The following SEMA4D variants were observed in gnomAD, a reference collection of about 807,000 sequenced individuals.
SEMA4D encodes the protein semaphorin-4D.
Under a neutral mutation model 74.8 loss-of-function variants are expected in SEMA4D, and 22 were observed. The observed-to-expected ratio is 0.29, with a 90% CI of 0.21 to 0.42. The LOEUF (loss-of-function observed/expected upper bound fraction) is 0.42. Among genes scored for constraint, SEMA4D ranks in the 10% least tolerant of loss-of-function variants. The pLI is 1.00. For missense variants in SEMA4D, 937 were observed against 1,118.4 expected, an observed-to-expected ratio of 0.84 and a Z score of 2.31; for synonymous variants, 445 against 463.7, an observed-to-expected ratio of 0.96 and a Z score of 0.52.
chr9:89,461,960 CAA>C (rs903893475), intron 1 of SEMA4D, among the ~76,000 whole-genome samples: 15 of 152,202 alleles, frequency 9.9e-5, no homozygotes, highest in African/African-American at 3.1e-4. Context: ...CTCGGCCTCC[CAA>C]AGTGCTGGGA....
At chr9:89,433,329 AG>A (rs2134728470) in intron 2 of SEMA4D, among the ~76,000 whole-genome samples, 1 of 152,284 alleles carries the variant, frequency 6.6e-6, no homozygotes, top group South Asian at 2.1e-4. Context: ...GCTCACTTCC[AG>A]GGGGGCCAGG....
At chr9:89,426,199 C>T (rs1452515059) in intron 2 of SEMA4D, among the ~76,000 whole-genome samples, 2 of 152,224 alleles carry the variant, frequency 1.3e-5, no homozygotes, top group Non-Finnish European at 2.9e-5. Context: ...GAGGCCTGCT[C>T]GTTCTGCCAC....
intron 2 of SEMA4D, chr9:89,449,652 C>T: frequency 1.4e-6 from 2 of 1,471,218 alleles, no homozygotes; most frequent in South Asian, 2.3e-5. Context: ...CAATGGGGTA[C>T]TTCGGTCCTT....
chr9:89,421,979 CAT>C (rs1049266679), intron 2 of SEMA4D, among the ~76,000 whole-genome samples: 5 of 152,202 alleles, frequency 3.3e-5, no homozygotes, highest in Non-Finnish European at 5.9e-5. Context: ...CTTCCTTAAT[CAT>C]GTGGTTTTCT....
chr9:89,478,763 T>TCCACC lies in SEMA4D; in HGVS notation c.-310+19151_-310+19155dup, dbSNP rs1192432181. Among the ~76,000 whole-genome samples, 137 of 135,664 alleles carry TCCACC rather than the reference T, an allele frequency of 1.0e-3. No homozygotes were observed. The East Asian group carries it at 0.013, about 13-fold the overall frequency. 89.0% of individuals were successfully genotyped at this position (135,664 alleles called of 152,430 possible). ...CCTGAGTCCTATGGCCCCCTCATCC[T>TCCACC]CCACCCCACCCCACCCCACCCCAAG... On this transcript the variant is annotated intron_variant, in intron 1 of 15. Coordinates refer to ENST00000422704, the MANE Select transcript of SEMA4D (RefSeq NM_001371194.2).
At chr9:89,376,770 G>A (rs531959388), downstream of SEMA4D, 197 of 1,479,354 alleles carry the variant, frequency 1.3e-4, 1 homozygote, top group African/African-American at 2.4e-3. Flanking sequence ...GCCCCCGCCC[G>A]CCCCCCACCT....
At chr9:89,466,551 C>G (rs1320923370) in intron 1 of SEMA4D, among the ~76,000 whole-genome samples, 1 of 152,172 alleles carries the variant, frequency 6.6e-6, no homozygotes, top group East Asian at 1.9e-4. Flanking sequence ...CTGTCTAGAC[C>G]ATACGCAGTG....
In SEMA4D at chr9:89,381,806, G is replaced by A. The variant is rs1387654919; in HGVS notation, c.1447-460C>T. 1.3e-5 allele frequency: 2 copies of A among 155,436 alleles called. No individual in the cohort carries two copies. Among genetic ancestry groups the A allele is most frequent in the Non-Finnish European group, 2.8e-5 (2 of 70,256 alleles). 9.6% of individuals were successfully genotyped at this position (155,436 alleles called of 1,614,324 possible). A position where few individuals can be genotyped will look rare whatever the true frequency, so the allele number is the denominator to read the frequency against. Reference sequence around the variant, plus strand: ...ACCTCGAAGCCCAACCTCGTCCCCCGAGCCAGAATGTGAGCACCTGTGGGC... The same window carrying A: ...ACCTCGAAGCCCAACCTCGTCCCCCAAGCCAGAATGTGAGCACCTGTGGGC... On this transcript the variant is annotated intron_variant, in intron 13 of 15. Transcript: ENST00000422704. This position sits in a 1 kb window ranked among gnomAD's most constrained non-coding sequence, Gnocchi z 4.6.
At chr9:89,444,349 T>C (rs1175712693) in intron 2 of SEMA4D, among the ~76,000 whole-genome samples, 1 of 152,112 alleles carries the variant, frequency 6.6e-6, no homozygotes, top group East Asian at 1.9e-4. Context: ...GGAGCACTCC[T>C]GCCATCACGG....
chr9:89,392,415 T>C lies in SEMA4D; in HGVS notation c.622+8A>G. On this transcript the variant is annotated splice_region_variant and intron_variant, in intron 8 of 15. Transcript: ENST00000422704. Reference sequence around the variant, plus strand: ...CACCTCCCACTAAGGTGCACTGCTCTTCCTTACCGTTCAGCCAAGGGATTG... The same window carrying C: ...CACCTCCCACTAAGGTGCACTGCTCCTCCTTACCGTTCAGCCAAGGGATTG... 1 of 1,591,558 alleles carries C rather than the reference T, an allele frequency of 6.3e-7. No homozygotes were observed. Among genetic ancestry groups the C allele is most frequent in the Admixed American group, 1.7e-5 (1 of 59,974 alleles).
rs181839915 is a variant in SEMA4D at position 89,401,422 on chromosome 9, A to T, written c.252+1449T>A. ...TGTGTCAAACAGAAATTGAGAAATA[A>T]GCTAGACCCTGGAGATGAAAACAAA... is the stretch of plus-strand genomic sequence containing the variant. On this transcript the variant is annotated intron_variant, in intron 4 of 15. Transcript: ENST00000422704. Among the ~76,000 whole-genome samples the T allele has an allele frequency of 2.0e-5, 3 of 152,338 alleles. No homozygotes were observed. In the East Asian group the frequency reaches 5.8e-4, roughly 29 times the overall value.
chr9:89,388,070 G>A (rs28567882), intron 11 of SEMA4D, among the ~76,000 whole-genome samples: 3 of 151,984 alleles, frequency 2.0e-5, no homozygotes, highest in East Asian at 1.9e-4. Flanking sequence ...CACATTTTAC[G>A]AAGCTATGCA....
At chr9:89,371,901 GTA>G (rs1318968416) in intron 16 of SEMA4D, among the ~76,000 whole-genome samples, 1 of 17,910 alleles carries the variant, frequency 5.6e-5, no homozygotes, top group Non-Finnish European at 1.1e-4. Context: ...CTGGGGTGTG[GTA>G]TGTGTGTGGT....
At chr9:89,385,249 C>G (rs930013639) in intron 13 of SEMA4D, 12 of 984,760 alleles carry the variant, frequency 1.2e-5, no homozygotes, top group Non-Finnish European at 1.4e-5. Context: ...CCTAAGTGAC[C>G]CTTGGAACAG....
At chr9:89,457,474 C>T (rs902600975) in intron 1 of SEMA4D, among the ~76,000 whole-genome samples, 19 of 152,290 alleles carry the variant, frequency 1.2e-4, no homozygotes, top group African/African-American at 4.1e-4. Flanking sequence ...CAGTGGTTCA[C>T]GCCTGTAATC....
chr9:89,478,287 C>A (rs538244730), intron 1 of SEMA4D, among the ~76,000 whole-genome samples: 1 of 152,242 alleles, frequency 6.6e-6, no homozygotes, highest in South Asian at 2.1e-4. Context: ...GGGACAAGTG[C>A]CCTTATAGAT....
Position 89,381,415 on chromosome 9 carries a change from T to C in SEMA4D, c.1447-69A>G, listed in dbSNP as rs1477240864. The C allele has an allele frequency of 7.2e-7, 1 of 1,383,140 alleles. No homozygotes were observed. 85.7% of individuals were successfully genotyped at this position (1,383,140 alleles called of 1,614,324 possible). On this transcript the variant is annotated intron_variant, in intron 13 of 15. Coordinates refer to ENST00000422704, the MANE Select transcript of SEMA4D (RefSeq NM_001371194.2). The surrounding 1 kb of genome is among the most constrained non-coding windows in gnomAD (Gnocchi z 4.6). ...CATCCAGGAGCATGGCCTCTGCTTC[T>C]GCACCAGTGTGTGGGAAGCAGCCAG...
intron 2 of SEMA4D, among the ~76,000 whole-genome samples, chr9:89,432,442 G>A (rs570795411): frequency 9.2e-4 from 140 of 152,268 alleles, no homozygotes; most frequent in African/African-American, 3.2e-3. Flanking sequence ...AGTGTGAGGG[G>A]CGCCCTCCAG....
intron 5 of SEMA4D, among the ~76,000 whole-genome samples, chr9:89,397,780 T>C (rs1435305553): frequency 2.0e-5 from 3 of 152,250 alleles, no homozygotes; most frequent in African/African-American, 7.2e-5. Context: ...AAGTTTAGCA[T>C]AGACTTCTTT....
Sources: gnomAD v4.1 joint callset for allele counts (sites outside exome capture counted in the v4.1 genomes callset) on GRCh38, gnomAD v4.1.1 for gene constraint, Gnocchi (gnomAD v3.1) non-coding constraint, MANE v1.5 for transcripts, NCBI Gene and HGNC (gene_info 2026-07-23, HGNC 2026-07-21) for gene names.